The following NLK variants were observed in gnomAD, a reference collection of about 807,000 sequenced individuals.
The protein encoded by NLK is nemo like kinase.
Under a neutral mutation model 59.0 loss-of-function variants are expected in NLK, and 11 were observed. The ratio of observed to expected loss-of-function variants is 0.19; its 90% CI spans 0.12 to 0.31. The LOEUF (loss-of-function observed/expected upper bound fraction) is 0.31, where lower values mean the gene tolerates loss of function less well. Ranked by LOEUF, NLK falls within the 10% of genes least tolerant of loss-of-function variation. The pLI is 1.00. For synonymous variants in NLK, 235 were observed against 235.9 expected, an observed-to-expected ratio of 1.00 and a Z score of 0.03; for missense variants, 410 against 661.1, an observed-to-expected ratio of 0.62 and a Z score of 4.16.
At chr17:28,117,078 G>T (rs1905808820) in intron 1 of NLK, among the ~76,000 whole-genome samples, 2 of 152,116 alleles carry the variant, frequency 1.3e-5, no homozygotes, top group Non-Finnish European at 2.9e-5. Context: ...GGCAGACTGG[G>T]CTGTATCATC....
intron 1 of NLK, among the ~76,000 whole-genome samples, chr17:28,092,970 A>G (rs1343114762): frequency 6.6e-6 from 1 of 151,476 alleles, no homozygotes; most frequent in Non-Finnish European, 1.5e-5. Flanking sequence ...TAATTTTTGT[A>G]TTTTAGTAGA....
intron 1 of NLK, among the ~76,000 whole-genome samples, chr17:28,072,196 T>C (rs1910026195): frequency 2.6e-5 from 4 of 152,192 alleles, no homozygotes; most frequent in African/African-American, 9.6e-5. Flanking sequence ...TCTGTTCTTA[T>C]ATTTTATATG....
intron 1 of NLK, among the ~76,000 whole-genome samples, chr17:28,044,753 A>G (rs548995447): frequency 1.7e-4 from 26 of 152,302 alleles, no homozygotes; most frequent in Non-Finnish European, 3.4e-4. Flanking sequence ...TGGGGGATGG[A>G]ACAGACAGGA....
In NLK at chr17:28,168,429, G is replaced by A; in HGVS notation, c.838-19G>A. 6.4e-7 allele frequency: 1 copy of A among 1,552,342 alleles called. No individual in the cohort carries two copies. Among genetic ancestry groups the A allele is most frequent in the South Asian group, 1.1e-5 (1 of 89,416 alleles). ...ATTTGTATTTGCTTGATAATGTTTT[G>A]ATTGCCTTTTCTGTCTAGATTTGTG... is the stretch of plus-strand genomic sequence containing the variant. On this transcript the variant is annotated intron_variant, in intron 5 of 10. Transcript: ENST00000407008.
At chr17:28,080,242 A>G (rs1910301651) in intron 1 of NLK, among the ~76,000 whole-genome samples, 1 of 152,174 alleles carries the variant, frequency 6.6e-6, no homozygotes, top group Non-Finnish European at 1.5e-5. Flanking sequence ...GCTTGAGCCC[A>G]GGAGTTTGCG....
chr17:28,170,780 G>A (rs983793712), intron 6 of NLK, among the ~76,000 whole-genome samples: 3 of 152,186 alleles, frequency 2.0e-5, no homozygotes, highest in Non-Finnish European at 2.9e-5. Flanking sequence ...CAAAAAATAT[G>A]TGAGGGAAAG....
chr17:28,116,086 A>C (rs979285868), intron 1 of NLK, among the ~76,000 whole-genome samples: 2 of 152,320 alleles, frequency 1.3e-5, no homozygotes, highest in Middle Eastern at 3.4e-3. Flanking sequence ...GCATCTCTAG[A>C]AAATACGGAC....
In NLK at chr17:28,042,918, T is replaced by C. The variant is rs1160689457; in HGVS notation, c.45T>C (p.Ala15=). Residue 15 remains alanine, a synonymous_variant, in exon 1 of 11, where the codon GCT becomes GCC. Coordinates refer to ENST00000407008, the MANE Select transcript of NLK (RefSeq NM_016231.5). The stretch of plus-strand genomic sequence containing the variant: ...GAGCCAACGCAAAAATGATGGCGGC[T>C]TACAATGGCGGTACATCTGCAGCAG... ...GARANAKMMA[A]YNGGTSAAAA... 12 of 1,538,870 alleles carry C rather than the reference T, an allele frequency of 7.8e-6. No individual in the cohort carries two copies. Among genetic ancestry groups the C allele is most frequent in the Non-Finnish European group, 7.9e-6 (9 of 1,140,012 alleles).
At position 28,157,188 on chromosome 17, in the gene NLK, TA is replaced by T. The variant is rs201645715; in HGVS notation, c.645-3962del. Among the ~76,000 whole-genome samples, 133 of 144,260 alleles carry T rather than the reference TA, an allele frequency of 9.2e-4. 2 individuals are homozygous for T. The highest frequency in any genetic ancestry group is 3.2e-3 in the African/African-American group (118 of 37,330). 94.6% of individuals were successfully genotyped at this position (144,260 alleles called of 152,430 possible). A position where few individuals can be genotyped will look rare whatever the true frequency, so the allele number is the denominator to read the frequency against. ...AATGCCACAATGCTCACCTATTTCTTAAAAAAAAAATTTTTTTTTTTAAGAC... is the reference window on the plus strand; with the variant it reads ...AATGCCACAATGCTCACCTATTTCTTAAAAAAAAATTTTTTTTTTTAAGAC... On this transcript the variant is annotated intron_variant, in intron 3 of 10. Transcript: ENST00000407008.
chr17:28,107,576 T>C (rs2142798234), intron 1 of NLK, among the ~76,000 whole-genome samples: 1 of 152,248 alleles, frequency 6.6e-6, no homozygotes, highest in Admixed American at 6.5e-5. Context: ...GTCTTGTTGA[T>C]GAATATAGAT....
At chr17:28,072,793 C>T (rs766721821) in intron 1 of NLK, among the ~76,000 whole-genome samples, 14 of 151,936 alleles carry the variant, frequency 9.2e-5, no homozygotes, top group Admixed American at 2.0e-4. Context: ...CTGCCTGGTC[C>T]GTTTTAATAG....
chr17:28,160,917 A>T (rs923785953), intron 3 of NLK, among the ~76,000 whole-genome samples: 1 of 152,116 alleles, frequency 6.6e-6, no homozygotes, highest in Non-Finnish European at 1.5e-5. Context: ...TTTCTCTTTG[A>T]TAATGCTGAT....
intron 7 of NLK, among the ~76,000 whole-genome samples, chr17:28,175,089 T>C (rs948215911): frequency 4.6e-5 from 7 of 151,448 alleles, no homozygotes; most frequent in African/African-American, 1.7e-4. Flanking sequence ...ATGTATAGGG[T>C]TTAGCTTAGT....
chr17:28,066,066 A>G (rs1411711832), intron 1 of NLK, among the ~76,000 whole-genome samples: 1 of 152,128 alleles, frequency 6.6e-6, no homozygotes, highest in Non-Finnish European at 1.5e-5. Context: ...TTTACTTTTC[A>G]GTCTCCAGAT....
chr17:28,180,048 T>C (rs1266505977), intron 7 of NLK, among the ~76,000 whole-genome samples: 1 of 152,174 alleles, frequency 6.6e-6, no homozygotes, highest in African/African-American at 2.4e-5. Flanking sequence ...CACTTCGTCT[T>C]TCCTGTGGAG....
chr17:28,091,680 A>G (rs1904499850), intron 1 of NLK, among the ~76,000 whole-genome samples: 1 of 152,136 alleles, frequency 6.6e-6, no homozygotes, highest in African/African-American at 2.4e-5. Flanking sequence ...CAGAATTTCC[A>G]TAGTAATCTC....
intron 1 of NLK, among the ~76,000 whole-genome samples, chr17:28,086,825 G>A (rs1262703225): frequency 6.6e-6 from 1 of 151,084 alleles, no homozygotes; most frequent in Non-Finnish European, 1.5e-5. Flanking sequence ...CTAGAATTTC[G>A]AGACCAGCCT....
At chr17:28,073,013 GGGT>G (rs1910058471) in intron 1 of NLK, among the ~76,000 whole-genome samples, 5 of 151,528 alleles carry the variant, frequency 3.3e-5, no homozygotes, top group Admixed American at 3.3e-4. Context: ...TTTTGAAGCA[GGGT>G]ATTAGATTTT....
intron 1 of NLK, among the ~76,000 whole-genome samples, chr17:28,062,590 T>C (rs1471441443): frequency 6.6e-6 from 1 of 152,150 alleles, no homozygotes; most frequent in Non-Finnish European, 1.5e-5. Flanking sequence ...TAAATAACGT[T>C]TTTCTTTTTT....
Sources: gnomAD v4.1 joint callset for allele counts (sites outside exome capture counted in the v4.1 genomes callset) on GRCh38, gnomAD v4.1.1 for gene constraint, MANE v1.5 for transcripts, NCBI Gene and HGNC (gene_info 2026-07-23, HGNC 2026-07-21) for gene names.